Variants in HS3ST3A1 observed in about 807,000 individuals in gnomAD.
HS3ST3A1 encodes heparan sulfate glucosamine 3-O-sulfotransferase 3A1.
Under a neutral mutation model 25.7 loss-of-function variants are expected in HS3ST3A1, and 19 were observed. That is an observed-to-expected ratio of 0.74 (90% CI 0.52 to 1.08). HS3ST3A1 has a LOEUF of 1.08. HS3ST3A1 is among the 50% of genes least tolerant of loss of function. The pLI, the probability that HS3ST3A1 is intolerant of heterozygous loss-of-function variation, is 0.00. For synonymous variants in HS3ST3A1, 226 were observed against 278.6 expected, an observed-to-expected ratio of 0.81 and a Z score of 1.88; for missense variants, 459 against 594.3, an observed-to-expected ratio of 0.77 and a Z score of 2.37.
intron 1 of HS3ST3A1, among the ~76,000 whole-genome samples, chr17:13,574,178 G>C (rs1470330812): frequency 7.1e-6 from 1 of 141,230 alleles, no homozygotes; most frequent in Non-Finnish European, 1.5e-5. Context: ...CTATCACTCA[G>C]GCTGGAGTAC....
intron 1 of HS3ST3A1, among the ~76,000 whole-genome samples, chr17:13,506,309 G>T (rs1407781054): frequency 6.6e-6 from 1 of 152,044 alleles, no homozygotes; most frequent in Non-Finnish European, 1.5e-5. Flanking sequence ...TCCTGGCCTC[G>T]ATTTCTTCAT....
intron 1 of HS3ST3A1, among the ~76,000 whole-genome samples, chr17:13,508,625 T>C (rs1456372191): frequency 1.3e-5 from 2 of 152,248 alleles, no homozygotes; most frequent in Non-Finnish European, 2.9e-5. Context: ...AACTCATGTA[T>C]TCATAAGATG....
At chr17:13,535,295 C>T (rs770491885) in intron 1 of HS3ST3A1, among the ~76,000 whole-genome samples, 1 of 152,178 alleles carries the variant, frequency 6.6e-6, no homozygotes, top group Admixed American at 6.5e-5. Context: ...CCCTGCAAGG[C>T]ACATCACAGC....
Position 13,566,752 on chromosome 17 carries a change from C to T in HS3ST3A1, c.599+33779G>A, listed in dbSNP as rs145190497. On this transcript the variant is annotated intron_variant, in intron 1 of 1. Coordinates refer to ENST00000284110, the MANE Select transcript of HS3ST3A1 (RefSeq NM_006042.3). ...CCAAAGCCTAATCCAGAGCAAGGCC[C>T]TAACTCTCTCATATTTTATGAAGGC... Among the ~76,000 whole-genome samples, 833 of 152,200 alleles carry T rather than the reference C, an allele frequency of 5.5e-3. 9 individuals carry two copies. The highest frequency in any genetic ancestry group is 0.019 in the African/African-American group (797 of 41,520).
chr17:13,600,617 G>C lies in HS3ST3A1; in HGVS notation c.513C>G (p.Phe171Leu), dbSNP rs776419858. The change falls in exon 1 of 2, where the codon TTC (phenylalanine) becomes TTG (leucine). Residue 171 changes from phenylalanine to leucine, a missense_variant. Around this residue, in one of 3 missense-constraint regions of HS3ST3A1, gnomAD observed 346 missense variants for 303.9 expected, o/e 1.14. Coordinates refer to ENST00000284110, the MANE Select transcript of HS3ST3A1 (RefSeq NM_006042.3). The stretch of plus-strand genomic sequence containing the variant: ...CGCGCACGTCGGGGTGCACGCGCAG[G>C]AACTCCAGCAGCGCCCGCGTGCCGC... ...KKGGTRALLE[F>L]LRVHPDVRAV... 1.3e-6 allele frequency: 2 copies of C among 1,599,084 alleles called. No individual in the cohort carries two copies. Among genetic ancestry groups the C allele is most frequent in the Non-Finnish European group, 8.5e-7 (1 of 1,177,528 alleles).
chr17:13,589,275 C>A (rs1290643492), intron 1 of HS3ST3A1, among the ~76,000 whole-genome samples: 1 of 152,186 alleles, frequency 6.6e-6, no homozygotes, highest in Non-Finnish European at 1.5e-5. Flanking sequence ...TGGTAACAAT[C>A]CATGGGAGCT....
intron 1 of HS3ST3A1, among the ~76,000 whole-genome samples, chr17:13,528,423 C>CTCGG (rs1906505318): frequency 6.6e-6 from 1 of 152,192 alleles, no homozygotes. Context: ...TCATGGATTG[C>CTCGG]TCAGAGCAGA....
intron 1 of HS3ST3A1, among the ~76,000 whole-genome samples, chr17:13,589,219 C>A (rs528240065): frequency 3.2e-4 from 49 of 152,264 alleles, no homozygotes; most frequent in Middle Eastern, 6.8e-3. Flanking sequence ...TTCCAAGTTT[C>A]TTTAAAAAGT....
chr17:13,533,436 G>C (rs1352388571), intron 1 of HS3ST3A1, among the ~76,000 whole-genome samples: 2 of 151,230 alleles, frequency 1.3e-5, no homozygotes, highest in Non-Finnish European at 2.9e-5. Flanking sequence ...CAGAGACTCT[G>C]TTTTCAATGA....
chr17:13,547,190 C>A (rs982370748), intron 1 of HS3ST3A1, among the ~76,000 whole-genome samples: 1 of 152,156 alleles, frequency 6.6e-6, no homozygotes, highest in Non-Finnish European at 1.5e-5. Context: ...AACACTATGT[C>A]TTTCCTTTTA....
chr17:13,571,221 C>T (rs940748724), intron 1 of HS3ST3A1, among the ~76,000 whole-genome samples: 1 of 152,124 alleles, frequency 6.6e-6, no homozygotes, highest in Non-Finnish European at 1.5e-5. Context: ...ACATGTAGTT[C>T]TAGAGGGAAT....
At chr17:13,585,875 A>G (rs1216460616) in intron 1 of HS3ST3A1, among the ~76,000 whole-genome samples, 1 of 114,686 alleles carries the variant, frequency 8.7e-6, no homozygotes, top group Admixed American at 1.1e-4. Context: ...TTTCTGACAG[A>G]GTCTCGCTCT....
intron 1 of HS3ST3A1, among the ~76,000 whole-genome samples, chr17:13,524,978 A>T (rs1283007081): frequency 1.3e-5 from 2 of 152,094 alleles, no homozygotes; most frequent in Non-Finnish European, 2.9e-5. Flanking sequence ...TTTTTGTTTT[A>T]TTTAACATGT....
chr17:13,530,721 C>CA (rs1286418242), intron 1 of HS3ST3A1, among the ~76,000 whole-genome samples: 1 of 152,162 alleles, frequency 6.6e-6, no homozygotes, highest in African/African-American at 2.4e-5. Context: ...TTTATCCTCC[C>CA]CATGGCCACA....
chr17:13,568,422 T>A (rs1907727229), intron 1 of HS3ST3A1, among the ~76,000 whole-genome samples: 1 of 152,228 alleles, frequency 6.6e-6, no homozygotes, highest in African/African-American at 2.4e-5. Flanking sequence ...GAGGTATGCC[T>A]GGACTATGTT....
chr17:13,587,166 A>G (rs1027352964), intron 1 of HS3ST3A1, among the ~76,000 whole-genome samples: 4 of 151,098 alleles, frequency 2.6e-5, no homozygotes, highest in African/African-American at 9.7e-5. Flanking sequence ...CCCCTTAATA[A>G]TCTTTGAGGC....
chr17:13,497,468 T>C (rs1174611927), intron 1 of HS3ST3A1, among the ~76,000 whole-genome samples: 1 of 152,254 alleles, frequency 6.6e-6, no homozygotes, highest in Non-Finnish European at 1.5e-5. Flanking sequence ...TATACTTTCA[T>C]GTACACCAAA....
At chr17:13,518,452 A>C (rs1906123303) in intron 1 of HS3ST3A1, among the ~76,000 whole-genome samples, 2 of 152,224 alleles carry the variant, frequency 1.3e-5, no homozygotes, top group Non-Finnish European at 2.9e-5. Flanking sequence ...CAATAAAAAA[A>C]TGTTTTGAGT....
intron 1 of HS3ST3A1, among the ~76,000 whole-genome samples, chr17:13,586,166 T>C (rs62053912): frequency 0.017 from 2,632 of 152,038 alleles, 30 homozygotes; most frequent in Middle Eastern, 0.034. Flanking sequence ...CTTATCACAG[T>C]TACAGTTACT....
Sources: gnomAD v4.1 joint callset for allele counts (sites outside exome capture counted in the v4.1 genomes callset) on GRCh38, gnomAD v4.1.1 for gene constraint, gnomAD v4.1.1 regional missense constraint, MANE v1.5 for transcripts, NCBI Gene and HGNC (gene_info 2026-07-23, HGNC 2026-07-21) for gene names.